The following FARS2 variants were observed in gnomAD, a reference collection of about 807,000 sequenced individuals.
FARS2 encodes the protein phenylalanine--tRNA ligase, mitochondrial.
A neutral mutation model predicts 46.4 loss-of-function variants in FARS2; 40 were observed. The observed-to-expected ratio is 0.86, with a 90% confidence interval of 0.67 to 1.12. The LOEUF is 1.12. Ranked by LOEUF, FARS2 falls within the 50% of genes most tolerant of loss-of-function variation. FARS2 has a pLI of 0.00. For synonymous variants in FARS2, 234 were observed against 214.9 expected (o/e 1.09, Z -0.78); for missense variants, 513 against 567.9 (o/e 0.90, Z 0.98).
intron 4 of FARS2, among the ~76,000 whole-genome samples, chr6:5,491,999 C>T (rs1375525499): frequency 2.6e-5 from 4 of 152,064 alleles, no homozygotes; most frequent in Non-Finnish European, 5.9e-5. Context: ...AGTAACCAAA[C>T]TTCTTGACCT....
intron 1 of FARS2, among the ~76,000 whole-genome samples, chr6:5,325,767 A>G (rs1373787304): frequency 6.6e-6 from 1 of 152,226 alleles, no homozygotes; most frequent in Non-Finnish European, 1.5e-5. Flanking sequence ...AGAAATTACC[A>G]AATATTTGCA....
intron 2 of FARS2, among the ~76,000 whole-genome samples, chr6:5,376,188 A>G (rs577654813): frequency 4.6e-5 from 7 of 152,194 alleles, no homozygotes; most frequent in African/African-American, 1.7e-4. Flanking sequence ...GGTGGTGAGC[A>G]CACGTGTGTG....
intron 5 of FARS2, among the ~76,000 whole-genome samples, chr6:5,575,836 G>T (rs374313185): frequency 1.3e-5 from 2 of 152,230 alleles, no homozygotes; most frequent in South Asian, 4.2e-4. Context: ...ATTCTATTTT[G>T]TTCTGTTTTA....
chr6:5,648,615 TG>T (rs1777193988), intron 6 of FARS2, among the ~76,000 whole-genome samples: 1 of 152,204 alleles, frequency 6.6e-6, no homozygotes, highest in African/African-American at 2.4e-5. Context: ...CACTTCCTTC[TG>T]ATGCTTTCTT....
intron 1 of FARS2, among the ~76,000 whole-genome samples, chr6:5,310,263 G>C (rs887256668): frequency 6.6e-6 from 1 of 151,940 alleles, no homozygotes; most frequent in African/African-American, 2.4e-5. Flanking sequence ...AAACATAAAA[G>C]CATAAAGTAT....
rs995103494 is a variant in FARS2, at chr6:5,417,393, TA to T, written c.772+12702del. Among the ~76,000 whole-genome samples, 50 of 149,482 alleles carry T rather than the reference TA, an allele frequency of 3.3e-4. 1 individual carries two copies. The highest frequency in any genetic ancestry group is 6.3e-4 in the South Asian group (3 of 4,736). On this transcript the variant is annotated intron_variant, in intron 3 of 6. Transcript: ENST00000274680. ...CACCACACCCCGCTAACTTTTAAAA[TA>T]AAAAAAAAATTGTAGAGAGATGGGG...
At position 5,561,823 on chromosome 6, in the gene FARS2, T is replaced by G. The variant is rs371062526; in HGVS notation, c.1065+16483T>G. ...CTTCTTAGTTATCAGTTATCTTAAC[T>G]ATTTTTTGGTATTTCTTATTTCTTT... On this transcript the variant is annotated intron_variant, in intron 5 of 6. Coordinates refer to ENST00000274680, the MANE Select transcript of FARS2 (RefSeq NM_006567.5). Among the ~76,000 whole-genome samples the G allele has an allele frequency of 6.6e-5, 10 of 152,126 alleles. No homozygotes were observed. In the East Asian group the frequency reaches 1.5e-3, roughly 23 times the overall value.
At chr6:5,761,133 T>C (rs1762455426) in intron 6 of FARS2, among the ~76,000 whole-genome samples, 1 of 152,218 alleles carries the variant, frequency 6.6e-6, no homozygotes, top group South Asian at 2.1e-4. Flanking sequence ...CTACTTGTGC[T>C]TTAACATCTA....
At chr6:5,467,595 C>G (rs1030311569) in intron 4 of FARS2, among the ~76,000 whole-genome samples, 1 of 152,208 alleles carries the variant, frequency 6.6e-6, no homozygotes, top group Non-Finnish European at 1.5e-5. Context: ...GTACCCCCAC[C>G]ATGCTACATG....
chr6:5,726,397 G>A (rs1054621375), intron 6 of FARS2, among the ~76,000 whole-genome samples: 2 of 152,140 alleles, frequency 1.3e-5, no homozygotes, highest in African/African-American at 2.4e-5. Flanking sequence ...TGCAGCATGG[G>A]CAAATATTTA....
intron 3 of FARS2, among the ~76,000 whole-genome samples, chr6:5,408,932 C>T (rs1295856731): frequency 6.6e-6 from 1 of 152,108 alleles, no homozygotes; most frequent in South Asian, 2.1e-4. Context: ...CATGTGCTGG[C>T]CTCTGTATAG....
intron 6 of FARS2, among the ~76,000 whole-genome samples, chr6:5,743,822 G>A (rs1157409936): frequency 1.3e-5 from 2 of 152,160 alleles, no homozygotes; most frequent in Non-Finnish European, 2.9e-5. Flanking sequence ...AAAAACAAAG[G>A]TATTCTATCA....
chr6:5,270,135 G>T (rs1203436891), intron 1 of FARS2, among the ~76,000 whole-genome samples: 1 of 152,156 alleles, frequency 6.6e-6, no homozygotes, highest in Non-Finnish European at 1.5e-5. Context: ...CTGGAATTCT[G>T]CAGTGCAAAG....
chr6:5,766,999 T>G (rs1025339049), intron 6 of FARS2, among the ~76,000 whole-genome samples: 1 of 151,738 alleles, frequency 6.6e-6, no homozygotes, highest in Admixed American at 6.6e-5. Context: ...ACTTCATTCC[T>G]TTTTATGGCT....
chr6:5,537,244 G>A (rs188792650), intron 4 of FARS2, among the ~76,000 whole-genome samples: 1 of 152,352 alleles, frequency 6.6e-6, no homozygotes, highest in African/African-American at 2.4e-5. Flanking sequence ...TCTGGGGATA[G>A]AGGTTTGAGA....
intron 4 of FARS2, among the ~76,000 whole-genome samples, chr6:5,453,008 C>CGGT (rs1764594233): frequency 3.9e-5 from 6 of 152,026 alleles, no homozygotes; most frequent in African/African-American, 1.5e-4. Context: ...GGAGTGGAAA[C>CGGT]CGTTCTGTGT....
intron 4 of FARS2, among the ~76,000 whole-genome samples, chr6:5,520,799 T>C (rs1391754942): frequency 6.7e-6 from 1 of 149,854 alleles, no homozygotes; most frequent in Admixed American, 6.7e-5. Flanking sequence ...GGAAGTAAAA[T>C]ATTGATTAAA....
At chr6:5,515,551 C>T (rs1768733405) in intron 4 of FARS2, among the ~76,000 whole-genome samples, 1 of 152,176 alleles carries the variant, frequency 6.6e-6, no homozygotes, top group African/African-American at 2.4e-5. Context: ...GCCTCAGCTT[C>T]CCAAGTAGTT....
At chr6:5,502,974 A>G (rs1767887805) in intron 4 of FARS2, among the ~76,000 whole-genome samples, 1 of 152,104 alleles carries the variant, frequency 6.6e-6, no homozygotes, top group Non-Finnish European at 1.5e-5. Context: ...AAGGTAACAC[A>G]CCTGATTGTG....
Sources: gnomAD v4.1 joint callset for allele counts (sites outside exome capture counted in the v4.1 genomes callset) on GRCh38, gnomAD v4.1.1 for gene constraint, MANE v1.5 for transcripts, NCBI Gene and HGNC (gene_info 2026-07-23, HGNC 2026-07-21) for gene names.